The following CPLANE1 variants were observed in gnomAD, a reference collection of about 807,000 sequenced individuals.
The protein encoded by CPLANE1 is ciliogenesis and planar polarity effector complex subunit 1.
CPLANE1 carries 263 observed loss-of-function variants against 362.5 expected under a neutral mutation model. The observed-to-expected ratio is 0.73, with a 90% CI of 0.66 to 0.80. CPLANE1 has a LOEUF of 0.80. Among genes scored for constraint, CPLANE1 ranks in the 30% least tolerant of loss-of-function variants. CPLANE1 has a pLI of 0.00. For synonymous variants in CPLANE1, 1,212 were observed against 1,302.6 expected, an observed-to-expected ratio of 0.93 and a Z score of 1.50; for missense variants, 3,461 against 3,793.4, an observed-to-expected ratio of 0.91 and a Z score of 2.30.
Position 37,170,302 on chromosome 5 carries a change from C to A in CPLANE1, c.6201G>T (p.Met2067Ile). 1 of 1,613,604 alleles carries A rather than the reference C, an allele frequency of 6.2e-7. No homozygotes were observed. The highest frequency in any genetic ancestry group is 1.1e-5 in the South Asian group (1 of 91,018). ...QLQQINFMSL[M>I]QIVGSSFANL... ...TAGCAAAGGATGATCCTACTATTTGCATTAGGCTCATGAAGTTGATCTGTT... is the reference window on the plus strand; with the variant it reads ...TAGCAAAGGATGATCCTACTATTTGAATTAGGCTCATGAAGTTGATCTGTT... Residue 2067 changes from methionine to isoleucine, a missense_variant, in exon 33 of 53, where the codon ATG (methionine) becomes ATT (isoleucine). Physicochemically the swap from Met to Ile is conservative, Grantham distance 10. Coordinates refer to ENST00000651892, the MANE Select transcript of CPLANE1 (RefSeq NM_001384732.1).
the CPLANE1 span, among the ~76,000 whole-genome samples, chr5:37,096,939 A>T: frequency 3.3e-5 from 5 of 152,190 alleles, no homozygotes; most frequent in African/African-American, 1.2e-4. Flanking sequence ...TGAACAGGGA[A>T]CACTTCTACA....
chr5:37,190,593 T>C, intron 21 of CPLANE1, among the ~76,000 whole-genome samples: 1 of 152,064 alleles, frequency 6.6e-6, no homozygotes, highest in East Asian at 1.9e-4. Context: ...TGGACCTTGA[T>C]TGGATAGATT....
chr5:37,110,803 C>CTTTTTT (rs529885756), intron 51 of CPLANE1, among the ~76,000 whole-genome samples: 7 of 125,046 alleles, frequency 5.6e-5, no homozygotes, highest in Non-Finnish European at 5.0e-5. Context: ...AATGTATTAA[C>CTTTTTT]TTTTTTTTTT....
At chr5:37,231,123 C>T in intron 8 of CPLANE1, 74 bp from the exon 9 acceptor site, 1 of 1,132,330 alleles carries the variant, frequency 8.8e-7, no homozygotes, top group Non-Finnish European at 1.2e-6. Context: ...ATGGGCTGTA[C>T]CAAGCAGAGG....
intron 46 of CPLANE1, among the ~76,000 whole-genome samples, chr5:37,136,746 C>T (rs947037034): frequency 2.6e-5 from 4 of 152,254 alleles, no homozygotes; most frequent in Non-Finnish European, 5.9e-5. Flanking sequence ...ACAAGCTCAA[C>T]ACCACGTGGA....
intron 5 of CPLANE1, among the ~76,000 whole-genome samples, chr5:37,243,597 G>A (rs74857968): frequency 0.11 from 16,192 of 149,012 alleles, 948 homozygotes; most frequent in Admixed American, 0.15. Context: ...CAGTTAAATC[G>A]CATATTTAGT....
chr5:37,144,333 T>A (rs1473407241), intron 43 of CPLANE1, among the ~76,000 whole-genome samples: 1 of 143,760 alleles, frequency 7.0e-6, no homozygotes, highest in Non-Finnish European at 1.5e-5. Context: ...GCTTGAACCC[T>A]GGAGGAGGAG....
At chr5:37,213,847 G>T in intron 15 of CPLANE1, 115 bp from the exon 16 acceptor site, 2 of 716,476 alleles carry the variant, frequency 2.8e-6, no homozygotes, top group South Asian at 3.4e-5. Context: ...TCTGAGATAA[G>T]CACCCATGGC....
chr5:37,196,477 C>T (rs1787482723), intron 20 of CPLANE1, among the ~76,000 whole-genome samples: 2 of 152,116 alleles, frequency 1.3e-5, no homozygotes, highest in Admixed American at 1.3e-4. Context: ...TTAGTAAATG[C>T]TAACAGAGTA....
intron 50 of CPLANE1, among the ~76,000 whole-genome samples, chr5:37,118,351 G>A (rs910689695): frequency 6.8e-6 from 1 of 147,360 alleles, no homozygotes; most frequent in Non-Finnish European, 1.5e-5. Flanking sequence ...AGGTTGCAGT[G>A]AGCCAAGATC....
rs1796487687 is a variant in CPLANE1, at chr5:37,226,424, G to C, written c.2171C>G (p.Ser724Ter). ...CATCTGAAAAATAGGTACCACCAAT[G>C]AGTCTTGAGCTGTTATTTTACTTCC... ...ADGSKITAQDSLVVPIFQMFQ... is the reference protein window; with the variant it reads ...ADGSKITAQD Residue 724 changes from serine (S) to a stop codon, truncating the protein, a stop_gained, in exon 12 of 53, where the codon TCA (serine) becomes TGA (stop). Transcript: ENST00000651892. LOFTEE classifies it high-confidence loss of function. The C allele has an allele frequency of 6.4e-7, 1 of 1,551,028 alleles. No individual in the cohort carries two copies. The highest frequency in any genetic ancestry group is 8.7e-7 in the Non-Finnish European group (1 of 1,146,778).
At chr5:37,180,261 T>TG in intron 27 of CPLANE1, 78 bp from the exon 28 acceptor site, 7 of 649,728 alleles carry the variant, frequency 1.1e-5, no homozygotes, top group African/African-American at 2.0e-5. Flanking sequence ...TTTTTTTTTG[T>TG]TTTTTTTTTT....
In CPLANE1 at chr5:37,226,982, C is replaced by T. The variant is rs954907723; in HGVS notation, c.1613G>A (p.Ser538Asn). The T allele has an allele frequency of 3.9e-6, 6 of 1,551,654 alleles. No individual in the cohort carries two copies. Among genetic ancestry groups the T allele is most frequent in the African/African-American group, 1.4e-5 (1 of 73,020 alleles). The change falls in exon 12 of 53, where the codon AGT becomes AAT. Residue 538 changes from serine to asparagine, a missense_variant. This residue lies in a region of CPLANE1 where 3,380 missense variants were observed against 3,666.1 expected (regional missense o/e 0.92). Transcript: ENST00000651892. ...WNKRDDVLCS[S>N]MKEGRLEFAS... Reference sequence around the variant, plus strand: ...AAATTCCAATCTTCCTTCCTTCATACTACTACACAGCACATCATCTCTTTT... The same window carrying T: ...AAATTCCAATCTTCCTTCCTTCATATTACTACACAGCACATCATCTCTTTT...
At chr5:37,137,673 C>T (rs886447106) in intron 46 of CPLANE1, among the ~76,000 whole-genome samples, 23 of 152,332 alleles carry the variant, frequency 1.5e-4, no homozygotes, top group Admixed American at 3.3e-4. Flanking sequence ...GCAAACATGT[C>T]CTTCTTCACA....
Position 37,165,654 on chromosome 5 carries a change from T to G in CPLANE1, c.7418A>C (p.Glu2473Ala). 6.2e-7 allele frequency: 1 copy of G among 1,609,054 alleles called. No homozygotes were observed. The highest frequency in any genetic ancestry group is 8.5e-7 in the Non-Finnish European group (1 of 1,179,060). Reference sequence around the variant, plus strand: ...ACATCTTTTTTCTTGCAGCTCTTTCTCAGCTCTTCTTCTTTGCCTGTTAAA... The same window carrying G: ...ACATCTTTTTTCTTGCAGCTCTTTCGCAGCTCTTCTTCTTTGCCTGTTAAA... ...DSKKRQRRRA[E>A]KELQEKRCEK... The change falls in exon 36 of 53, where the codon GAG (glutamate) becomes GCG (alanine). Residue 2473 changes from glutamate to alanine, a missense_variant. Physicochemically the swap from Glu to Ala is moderately radical, Grantham distance 107. Around this residue, in one of 2 missense-constraint regions of CPLANE1, gnomAD observed 3,380 missense variants for 3,666.1 expected, o/e 0.92. Transcript: ENST00000651892.
chr5:37,173,683 A>G, intron 32 of CPLANE1, 72 bp downstream of exon 32: 1 of 1,229,096 alleles, frequency 8.1e-7, no homozygotes, highest in South Asian at 1.5e-5. Context: ...ATTTCTGGAA[A>G]TCTATTAATA....
At position 37,206,425 on chromosome 5, in the gene CPLANE1, T is replaced by C; in HGVS notation, c.2921A>G (p.Glu974Gly). 1 of 1,541,752 alleles carries C rather than the reference T, an allele frequency of 6.5e-7. No homozygotes were observed. Reference sequence around the variant, plus strand: ...CAGAGGAATAAGTCGAAAGGACTGCTCTGTGAGTAAATTTTTAAAAATGGA... The same window carrying C: ...CAGAGGAATAAGTCGAAAGGACTGCCCTGTGAGTAAATTTTTAAAAATGGA... ...NVLPPLHIKT[E>G]QSFRLIPLQH... The change falls in exon 17 of 53, where the codon GAG becomes GGG. Residue 974 changes from glutamate to glycine, a missense_variant and splice_region_variant. Glu to Gly is a moderately conservative substitution (Grantham distance 98). Coordinates refer to ENST00000651892, the MANE Select transcript of CPLANE1 (RefSeq NM_001384732.1).
chr5:37,176,903 C>T (rs552498677), intron 30 of CPLANE1, among the ~76,000 whole-genome samples: 26 of 151,996 alleles, frequency 1.7e-4, no homozygotes, highest in South Asian at 4.2e-4. Flanking sequence ...TAACTACAAG[C>T]GCCCGCCACC....
intron 18 of CPLANE1, among the ~76,000 whole-genome samples, chr5:37,202,627 T>C (rs1789527512): frequency 6.6e-6 from 1 of 152,188 alleles, no homozygotes; most frequent in Non-Finnish European, 1.5e-5. Flanking sequence ...GATGTGGTGG[T>C]AGAACTGGAA....
Sources: allele counts gnomAD v4.1 joint callset (sites outside exome capture counted in the v4.1 genomes callset), GRCh38; gene constraint gnomAD v4.1.1; regional missense constraint gnomAD v4.1.1; transcripts MANE v1.5; gene names NCBI Gene and HGNC (gene_info 2026-07-23, HGNC 2026-07-21).